The following ADAMTS12 variants were observed in gnomAD, a reference collection of about 807,000 sequenced individuals.
ADAMTS12 encodes the protein A disintegrin and metalloproteinase with thrombospondin motifs 12.
In ADAMTS12, 118 loss-of-function variants were observed where a neutral mutation model predicts 167.8. That is an observed-to-expected ratio of 0.70 (90% CI 0.61 to 0.82). The LOEUF (loss-of-function observed/expected upper bound fraction) is 0.82. ADAMTS12 is among the 40% of genes least tolerant of loss of function. ADAMTS12 has a pLI of 0.00. For missense variants in ADAMTS12, 1,916 were observed against 1,998.8 expected (o/e 0.96, Z 0.79); for synonymous variants, 704 against 716.9 (o/e 0.98, Z 0.29).
At position 33,881,194 on chromosome 5, in the gene ADAMTS12, GA is replaced by G. The variant is rs752306726; in HGVS notation, c.413del (p.Leu138ProfsTer26). On this transcript the variant is annotated frameshift_variant, in exon 2 of 24. Transcript: ENST00000504830. LOFTEE classifies it high-confidence loss of function. ...GTAGAACCGTGCCACTGAGATGGCA[GA>G]GGGGGGCAGAGGAAGCCATCATCTT... ...HVKMMASSAP[L>X]CHLSGTVLQQ... The G allele has an allele frequency of 1.2e-5, 20 of 1,614,090 alleles. No homozygotes were observed. Among genetic ancestry groups the G allele is most frequent in the Non-Finnish European group, 9.3e-6 (11 of 1,180,040 alleles).
chr5:33,773,026 G>C (rs1278529613), intron 2 of ADAMTS12, among the ~76,000 whole-genome samples: 1 of 152,232 alleles, frequency 6.6e-6, no homozygotes, highest in Non-Finnish European at 1.5e-5. Flanking sequence ...TAATCTTTTA[G>C]ACAGCTGCAA....
intron 17 of ADAMTS12, among the ~76,000 whole-genome samples, chr5:33,589,991 A>G (rs1579713291): frequency 6.6e-6 from 1 of 152,240 alleles, no homozygotes; most frequent in East Asian, 1.9e-4. Flanking sequence ...AATTGAGATT[A>G]CTTATTTATT....
At chr5:33,626,773 A>G (rs1479883519) in intron 13 of ADAMTS12, among the ~76,000 whole-genome samples, 2 of 122,368 alleles carry the variant, frequency 1.6e-5, no homozygotes, top group East Asian at 5.6e-4. Context: ...GATGGTGATG[A>G]TTTGATGATG....
intron 2 of ADAMTS12, among the ~76,000 whole-genome samples, chr5:33,879,976 C>T (rs1333810216): frequency 1.3e-5 from 2 of 152,200 alleles, no homozygotes; most frequent in African/African-American, 2.4e-5. Flanking sequence ...GCCAAAAACA[C>T]GGACTCCTCC....
intron 2 of ADAMTS12, among the ~76,000 whole-genome samples, chr5:33,775,532 C>T (rs1040738108): frequency 1.3e-5 from 2 of 152,178 alleles, no homozygotes; most frequent in South Asian, 4.2e-4. Context: ...ATGAACAAGG[C>T]GGTGGAATAG....
intron 2 of ADAMTS12, among the ~76,000 whole-genome samples, chr5:33,817,009 T>A (rs999379142): frequency 6.6e-6 from 1 of 152,132 alleles, no homozygotes; most frequent in Non-Finnish European, 1.5e-5. Flanking sequence ...GGGTCAAGAA[T>A]GAAAAACAAA....
At chr5:33,724,803 G>A (rs565024430) in intron 3 of ADAMTS12, among the ~76,000 whole-genome samples, 73 of 151,748 alleles carry the variant, frequency 4.8e-4, no homozygotes, top group African/African-American at 1.7e-3. Flanking sequence ...CACCCGCCTC[G>A]GCCTCCCAAA....
At chr5:33,725,019 C>G (rs1284544828) in intron 3 of ADAMTS12, among the ~76,000 whole-genome samples, 1 of 152,158 alleles carries the variant, frequency 6.6e-6, no homozygotes. Flanking sequence ...TATACCTTCC[C>G]CCTGCCTTCC....
At chr5:33,818,674 A>G (rs563855689) in intron 2 of ADAMTS12, among the ~76,000 whole-genome samples, 1 of 151,998 alleles carries the variant, frequency 6.6e-6, no homozygotes, top group South Asian at 2.1e-4. Context: ...GTTTTCCATA[A>G]TGGCTGTACC....
At position 33,623,430 on chromosome 5, in the gene ADAMTS12, A is replaced by G. The variant is rs1739426772; in HGVS notation, c.2143+801T>C. Among the ~76,000 whole-genome samples, 3 of 152,334 alleles carry G rather than the reference A, an allele frequency of 2.0e-5. No individual in the cohort carries two copies. In the South Asian group the frequency reaches 6.2e-4, roughly 32 times the overall value. ...TCAGGTCGGGGAAACTCAGAGGTGCAAGATCTGCCATGGTTCCCATATAAT... is the reference window on the plus strand; with the variant it reads ...TCAGGTCGGGGAAACTCAGAGGTGCGAGATCTGCCATGGTTCCCATATAAT... On this transcript the variant is annotated intron_variant, in intron 14 of 23. Coordinates refer to ENST00000504830, the MANE Select transcript of ADAMTS12 (RefSeq NM_030955.4).
chr5:33,536,631 C>T lies in ADAMTS12; in HGVS notation c.4447-1639G>A, dbSNP rs186672679. On this transcript the variant is annotated intron_variant, in intron 22 of 23. Transcript: ENST00000504830. ...GTTACGAGTGATTCCAAAGGCTGGC[C>T]TGGTAGGTGTTAACCACTCTCTCAT... 2.2e-4 allele frequency among the ~76,000 whole-genome samples: 33 copies of T among 152,292 alleles called. No homozygotes were observed. The South Asian group carries it at 3.9e-3, about 18-fold the overall frequency.
At chr5:33,682,590 T>C (rs1249664373) in intron 5 of ADAMTS12, among the ~76,000 whole-genome samples, 1 of 152,202 alleles carries the variant, frequency 6.6e-6, no homozygotes, top group African/African-American at 2.4e-5. Context: ...AAGGTAAACG[T>C]GCAGATAGAC....
intron 5 of ADAMTS12, among the ~76,000 whole-genome samples, chr5:33,671,845 T>TAC (rs1219677795): frequency 2.1e-5 from 3 of 141,560 alleles, no homozygotes; most frequent in African/African-American, 8.0e-5. Flanking sequence ...CACACTCACA[T>TAC]ACACACACAC....
intron 3 of ADAMTS12, among the ~76,000 whole-genome samples, chr5:33,727,356 G>T (rs2112346115): frequency 6.6e-6 from 1 of 152,278 alleles, no homozygotes; most frequent in Non-Finnish European, 1.5e-5. Flanking sequence ...CTCCATGGAG[G>T]CATTTCATCG....
At chr5:33,776,287 A>G (rs1348845644) in intron 2 of ADAMTS12, among the ~76,000 whole-genome samples, 6 of 152,190 alleles carry the variant, frequency 3.9e-5, no homozygotes, top group African/African-American at 1.4e-4. Context: ...TCAAGTGCAA[A>G]TGAGACATTC....
intron 2 of ADAMTS12, among the ~76,000 whole-genome samples, chr5:33,844,605 C>A (rs1748872529): frequency 1.3e-5 from 2 of 152,188 alleles, no homozygotes; most frequent in Admixed American, 1.3e-4. Flanking sequence ...TTATCAATGA[C>A]AATGGTGCCC....
rs75250092 is a variant in ADAMTS12, at chr5:33,793,932, G to C, written c.490-42384C>G. ...CGATTTGCACTCTCCCGCAAGTTCT[G>C]GTCAGGAGGCTTCTCGCCGCTTTCA... On this transcript the variant is annotated intron_variant, in intron 2 of 23. Transcript: ENST00000504830. 5.4e-3 allele frequency among the ~76,000 whole-genome samples: 824 copies of C among 152,224 alleles called. 11 individuals carry two copies. Among genetic ancestry groups the C allele is most frequent in the African/African-American group, 0.019 (794 of 41,518 alleles).
intron 2 of ADAMTS12, among the ~76,000 whole-genome samples, chr5:33,791,469 AT>A (rs935905245): frequency 1.5e-4 from 23 of 152,216 alleles, no homozygotes; most frequent in East Asian, 9.6e-4. Flanking sequence ...TGCCTTAAAA[AT>A]TTTTTTTAAC....
intron 19 of ADAMTS12, among the ~76,000 whole-genome samples, chr5:33,562,634 ATT>A (rs201008805): frequency 8.4e-5 from 12 of 142,676 alleles, no homozygotes; most frequent in East Asian, 4.1e-4. Flanking sequence ...TCTCCATATA[ATT>A]TTTTTTTTTT....
Sources: allele counts gnomAD v4.1 joint callset (sites outside exome capture counted in the v4.1 genomes callset), GRCh38; gene constraint gnomAD v4.1.1; transcripts MANE v1.5; gene names NCBI Gene and HGNC (gene_info 2026-07-23, HGNC 2026-07-21).